KMT2C: variants seen among roughly 807,000 people sequenced by gnomAD.
KMT2C encodes the protein histone-lysine N-methyltransferase 2C.
A neutral mutation model predicts 507.9 loss-of-function variants in KMT2C; 88 were observed. The observed-to-expected ratio is 0.17, with a 90% CI of 0.15 to 0.21. The LOEUF is 0.21. KMT2C is among the 10% of genes least tolerant of loss of function. The probability of loss-of-function intolerance (pLI) is 1.00; values close to 1 mark genes in which losing one functional copy is unlikely to be tolerated. For synonymous variants in KMT2C, 2,049 were observed against 2,080.8 expected (o/e 0.98, Z 0.42); for missense variants, 4,954 against 5,957.8 (o/e 0.83, Z 5.55).
At chr7:152,238,092 G>A (rs2095315865) in intron 15 of KMT2C, among the ~76,000 whole-genome samples, 1 of 152,302 alleles carries the variant, frequency 6.6e-6, no homozygotes. Context: ...TCCTTGATTA[G>A]TCTAAATTAA....
At chr7:152,239,674 C>T (rs758198007) in intron 14 of KMT2C, among the ~76,000 whole-genome samples, 38 of 151,994 alleles carry the variant, frequency 2.5e-4, no homozygotes, top group Non-Finnish European at 4.7e-4. Flanking sequence ...AGATGCTAAA[C>T]AGCATAAAGA....
intron 15 of KMT2C, 75 bp downstream of exon 15, chr7:152,238,632 T>C (rs1249866927): frequency 6.7e-7 from 1 of 1,498,382 alleles, no homozygotes. Context: ...AAAGAAAGAT[T>C]TAATTCTTAA....
intron 2 of KMT2C, among the ~76,000 whole-genome samples, chr7:152,338,772 G>C (rs968598138): frequency 1.3e-5 from 2 of 152,184 alleles, no homozygotes; most frequent in African/African-American, 4.8e-5. Context: ...GCCTGGCAGA[G>C]CATCAAAGTG....
intron 3 of KMT2C, 130 bp downstream of exon 3, chr7:152,330,471 T>G: frequency 1.2e-6 from 1 of 866,822 alleles, no homozygotes; most frequent in Non-Finnish European, 1.8e-6. Flanking sequence ...AGCTTCAAAT[T>G]TAGCTACTAA....
rs544987067 is a variant in KMT2C at position 152,162,799 on chromosome 7, T to G, written c.10778A>C (p.Tyr3593Ser). The G allele has an allele frequency of 7.4e-6, 12 of 1,614,096 alleles. No homozygotes were observed. Among genetic ancestry groups the G allele is most frequent in the Non-Finnish European group, 1.0e-5 (12 of 1,180,048 alleles). ...PGSTQSLIQL[Y>S]SDIIPEEKGK... ...TTTTTCCTCTGGGATTATATCAGAA[T>G]ACAACTGAATGAGCGATTGGGTTGA... Residue 3593 changes from tyrosine to serine, a missense_variant, in exon 43 of 59, where the codon TAT becomes TCT. Physicochemically the swap from Tyr to Ser is moderately radical, Grantham distance 144. This residue lies in a region of KMT2C where 801 missense variants were observed against 751.2 expected (regional missense o/e 1.07). Transcript: ENST00000262189.
rs756264371 is a variant in KMT2C, at chr7:152,154,258, T to C, written c.12139+9A>G. ...AAAGGGAAATAATAAGGTTAAGTGTTGTTCTTACTTTTCCCAGCAGTGCTA... is the reference window on the plus strand; with the variant it reads ...AAAGGGAAATAATAAGGTTAAGTGTCGTTCTTACTTTTCCCAGCAGTGCTA... On this transcript the variant is annotated intron_variant, in intron 47 of 58. Coordinates refer to ENST00000262189, the MANE Select transcript of KMT2C (RefSeq NM_170606.3). The C allele has an allele frequency of 1.2e-6, 2 of 1,614,036 alleles. No homozygotes were observed. Among genetic ancestry groups the C allele is most frequent in the South Asian group, 2.2e-5 (2 of 91,076 alleles).
intron 2 of KMT2C, among the ~76,000 whole-genome samples, chr7:152,335,392 A>C (rs1414747768): frequency 6.6e-6 from 1 of 152,224 alleles, no homozygotes; most frequent in East Asian, 1.9e-4. Flanking sequence ...GGGGAAGAGA[A>C]AAATAAGTGA....
At position 152,215,723 on chromosome 7, in the gene KMT2C, TACAC is replaced by T. The variant is rs138045665; in HGVS notation, c.3712+4796_3712+4799del. Among the ~76,000 whole-genome samples the T allele has an allele frequency of 2.4e-3, 331 of 135,932 alleles. 5 individuals are homozygous for T. Among genetic ancestry groups the T allele is most frequent in the Middle Eastern group, 0.011 (3 of 280 alleles). The allele number at this position is 135,932 out of a possible 152,430, so 89.2% of individuals were successfully genotyped here. On this transcript the variant is annotated intron_variant, in intron 23 of 58. Coordinates refer to ENST00000262189, the MANE Select transcript of KMT2C (RefSeq NM_170606.3). Reference sequence around the variant, plus strand: ...CATACACACACAAAATATATATATATACACACACACACACACACACACACATTTC... The same window carrying T: ...CATACACACACAAAATATATATATATACACACACACACACACACACATTTC...
intron 1 of KMT2C, among the ~76,000 whole-genome samples, chr7:152,390,174 G>GT (rs1254830618): frequency 1.3e-5 from 2 of 152,122 alleles, no homozygotes; most frequent in African/African-American, 4.8e-5. Context: ...ATCTAGCCAT[G>GT]TAACAAACCT....
At chr7:152,186,572 A>G (rs1260144225) in intron 33 of KMT2C, among the ~76,000 whole-genome samples, 1 of 152,226 alleles carries the variant, frequency 6.6e-6, no homozygotes, top group Non-Finnish European at 1.5e-5. Context: ...GGTCATCCAA[A>G]TGAAAAGTCA....
intron 27 of KMT2C, among the ~76,000 whole-genome samples, chr7:152,197,689 CCCTA>C (rs1318107334): frequency 2.6e-5 from 4 of 151,552 alleles, no homozygotes; most frequent in Non-Finnish European, 5.9e-5. Context: ...ACAAGTTTGC[CCCTA>C]CCTAAAGGAT....
At chr7:152,179,487 T>C (rs1281545995) in intron 37 of KMT2C, among the ~76,000 whole-genome samples, 2 of 152,080 alleles carry the variant, frequency 1.3e-5, no homozygotes, top group African/African-American at 4.8e-5. Context: ...GTTTTCAGAG[T>C]CTGTAGAGTT....
chr7:152,279,102 T>C (rs1427595538), intron 6 of KMT2C, among the ~76,000 whole-genome samples: 1 of 152,144 alleles, frequency 6.6e-6, no homozygotes, highest in Non-Finnish European at 1.5e-5. Flanking sequence ...ATTTCCTAGG[T>C]TATATTCAGT....
At chr7:152,274,099 C>T (rs1246195657) in intron 6 of KMT2C, among the ~76,000 whole-genome samples, 1 of 152,048 alleles carries the variant, frequency 6.6e-6, no homozygotes, top group Admixed American at 6.6e-5. Context: ...GAATTTCATT[C>T]CTTATATTTT....
In KMT2C at chr7:152,145,249, C is replaced by T. The variant is rs777526116; in HGVS notation, c.14078G>A (p.Arg4693Gln). The T allele has an allele frequency of 3.1e-5, 50 of 1,613,970 alleles. No homozygotes were observed. Among genetic ancestry groups the T allele is most frequent in the South Asian group, 1.3e-4 (12 of 91,082 alleles). The change falls in exon 54 of 59, where the codon CGA becomes CAA. Residue 4693 changes from arginine to glutamine, a missense_variant. Arg to Gln is a conservative substitution (Grantham distance 43). Transcript: ENST00000262189. ...AAGAGGAAGTTCCATGAGAGGATTT[C>T]GGCCGTATCGGAAGGTATAATTTTC... ...ACENYTFRYG[R>Q]NPLMELPLAV...
chr7:152,229,110 T>C (rs1264015645), intron 18 of KMT2C, among the ~76,000 whole-genome samples: 1 of 152,198 alleles, frequency 6.6e-6, no homozygotes, highest in African/African-American at 2.4e-5. Flanking sequence ...GAGAAAGGTA[T>C]AAAAATCACT....
In KMT2C at chr7:152,435,828, TG is replaced by T. The variant is rs1433081602; in HGVS notation, c.-43del. The T allele has an allele frequency of 5.7e-6, 6 of 1,058,884 alleles. No individual in the cohort carries two copies. The highest frequency in any genetic ancestry group is 7.1e-6 in the Non-Finnish European group (6 of 846,402). The allele number at this position is 1,058,884 out of a possible 1,614,324, so 65.6% of individuals were successfully genotyped here. On this transcript the variant is annotated 5_prime_UTR_variant, in exon 1 of 59. It removes the in-frame stop codon of an upstream open reading frame in the 5' UTR. Coordinates refer to ENST00000262189, the MANE Select transcript of KMT2C (RefSeq NM_170606.3). ...GACACATGGATCCCGGTCCTCCTCCTGGGGGGCTCCCGCCGCCGCGGCCGCC... is the reference window on the plus strand; with the variant it reads ...GACACATGGATCCCGGTCCTCCTCCTGGGGGCTCCCGCCGCCGCGGCCGCC...
chr7:152,289,433 G>A (rs2096367095), intron 6 of KMT2C, among the ~76,000 whole-genome samples: 1 of 152,096 alleles, frequency 6.6e-6, no homozygotes, highest in Non-Finnish European at 1.5e-5. Context: ...GAAATAAAGA[G>A]TAAAATAATT....
At chr7:152,192,368 C>T (rs1031313493) in intron 31 of KMT2C, among the ~76,000 whole-genome samples, 1 of 152,028 alleles carries the variant, frequency 6.6e-6, no homozygotes, top group African/African-American at 2.4e-5. Flanking sequence ...TGGTGAAACC[C>T]CGTCTCTACT....
Sources: gnomAD v4.1 joint callset for allele counts (sites outside exome capture counted in the v4.1 genomes callset) on GRCh38, gnomAD v4.1.1 for gene constraint, gnomAD v4.1.1 regional missense constraint, MANE v1.5 for transcripts, NCBI Gene and HGNC (gene_info 2026-07-23, HGNC 2026-07-21) for gene names.